The following NAALADL2 variants were observed in gnomAD, a reference collection of about 807,000 sequenced individuals.
NAALADL2 encodes the protein N-acetylated alpha-linked acidic dipeptidase like 2.
NAALADL2 carries 76 observed loss-of-function variants against 87.2 expected under a neutral mutation model. The observed-to-expected ratio is 0.87, with a 90% CI of 0.72 to 1.05. The LOEUF (loss-of-function observed/expected upper bound fraction) is 1.05, where lower values mean the gene tolerates loss of function less well. Among genes scored for constraint, NAALADL2 ranks in the 50% least tolerant of loss-of-function variants. The pLI is 0.00. For missense variants in NAALADL2, 1,089 were observed against 945.8 expected, an observed-to-expected ratio of 1.15 and a Z score of -1.99; for synonymous variants, 354 against 331.0, an observed-to-expected ratio of 1.07 and a Z score of -0.75.
At chr3:174,882,570 T>C (rs565138456) in intron 1 of NAALADL2, among the ~76,000 whole-genome samples, 78 of 150,220 alleles carry the variant, frequency 5.2e-4, no homozygotes, top group African/African-American at 1.7e-3. Flanking sequence ...TATATATACA[T>C]ATGTGCTTAT....
chr3:175,510,198 C>T (rs576186885), intron 9 of NAALADL2, among the ~76,000 whole-genome samples: 2 of 152,016 alleles, frequency 1.3e-5, no homozygotes, highest in Non-Finnish European at 2.9e-5. Flanking sequence ...CTTATAAAAC[C>T]ATCAGATCTC....
Position 175,568,483 on chromosome 3 carries a change from G to A in NAALADL2, c.1654-7558G>A, listed in dbSNP as rs185919274. On this transcript the variant is annotated intron_variant, in intron 9 of 13. Coordinates refer to ENST00000454872, the MANE Select transcript of NAALADL2 (RefSeq NM_207015.3). ...ATTTAGAAGTAGTTTATTCCCATGCGTTAATGTGGTTTGTGAGCTGGATAT... is the reference window on the plus strand; with the variant it reads ...ATTTAGAAGTAGTTTATTCCCATGCATTAATGTGGTTTGTGAGCTGGATAT... Among the ~76,000 whole-genome samples the A allele has an allele frequency of 1.3e-3, 202 of 152,272 alleles. 1 individual carries two copies. Among genetic ancestry groups the A allele is most frequent in the Non-Finnish European group, 5.0e-4 (34 of 68,020 alleles).
intron 2 of NAALADL2, among the ~76,000 whole-genome samples, chr3:174,675,694 C>G (rs1726979161): frequency 6.6e-6 from 1 of 151,982 alleles, no homozygotes; most frequent in Non-Finnish European, 1.5e-5. Flanking sequence ...AAAGTTGTTT[C>G]TTTCTTCCTG....
At chr3:175,442,943 G>A (rs1720064804) in intron 5 of NAALADL2, among the ~76,000 whole-genome samples, 1 of 152,090 alleles carries the variant, frequency 6.6e-6, no homozygotes, top group African/African-American at 2.4e-5. Context: ...ATATCTAATG[G>A]ATTCTTATAG....
intron 2 of NAALADL2, among the ~76,000 whole-genome samples, chr3:174,626,195 G>A (rs1721561030): frequency 6.6e-6 from 1 of 150,920 alleles, no homozygotes; most frequent in African/African-American, 2.4e-5. Flanking sequence ...TTAGTAATGA[G>A]ATTTCGGGTC....
chr3:175,565,046 T>A (rs1716889000), intron 9 of NAALADL2, among the ~76,000 whole-genome samples: 1 of 152,240 alleles, frequency 6.6e-6, no homozygotes, highest in Non-Finnish European at 1.5e-5. Context: ...AATTTTAGTT[T>A]GGGTGATTAA....
In NAALADL2 at chr3:175,704,268, A is replaced by G. The variant is rs1008330765; in HGVS notation, c.1897-33038A>G. Among the ~76,000 whole-genome samples the G allele has an allele frequency of 5.9e-5, 9 of 152,302 alleles. No individual in the cohort carries two copies. The South Asian group carries it at 1.9e-3, about 32-fold the overall frequency. On this transcript the variant is annotated intron_variant, in intron 11 of 13. Coordinates refer to ENST00000454872, the MANE Select transcript of NAALADL2 (RefSeq NM_207015.3). ...AAAGTGGGGCTGTTCGCTGTGGAAA[A>G]GAGGCTTCCTTTTTCCTCTGTCATT...
intron 1 of NAALADL2, among the ~76,000 whole-genome samples, chr3:175,056,294 C>T (rs1490799617): frequency 2.0e-5 from 3 of 152,172 alleles, no homozygotes; most frequent in African/African-American, 7.2e-5. Context: ...CTCCTTCCTT[C>T]TTATCATTAG....
At chr3:175,158,175 C>T (rs1580729961) in intron 2 of NAALADL2, among the ~76,000 whole-genome samples, 1 of 152,120 alleles carries the variant, frequency 6.6e-6, no homozygotes, top group East Asian at 1.9e-4. Flanking sequence ...GTGTAAGGTA[C>T]ACTCAGAGTC....
At chr3:175,292,950 T>C (rs573888691) in intron 4 of NAALADL2, among the ~76,000 whole-genome samples, 2 of 136,972 alleles carry the variant, frequency 1.5e-5, no homozygotes, top group African/African-American at 5.5e-5. Context: ...GGCAGGAGAA[T>C]GGCGTGAACC....
chr3:175,077,087 T>C (rs1716750276), intron 1 of NAALADL2, among the ~76,000 whole-genome samples: 1 of 152,124 alleles, frequency 6.6e-6, no homozygotes, highest in Non-Finnish European at 1.5e-5. Flanking sequence ...AGAAAAAAAA[T>C]GTTTTCAAAT....
At chr3:175,696,523 A>G (rs370626807) in intron 11 of NAALADL2, among the ~76,000 whole-genome samples, 58 of 152,166 alleles carry the variant, frequency 3.8e-4, no homozygotes, top group African/African-American at 1.4e-3. Context: ...CCAGAGATGC[A>G]AACACTTTTT....
At chr3:174,914,058 C>A (rs73047025) in intron 1 of NAALADL2, among the ~76,000 whole-genome samples, 1,564 of 147,396 alleles carry the variant, frequency 0.011, 28 homozygotes, top group African/African-American at 0.037. Flanking sequence ...TATTCCTTTT[C>A]TTTTCTTTTT....
chr3:174,661,327 G>A (rs1030475279), intron 2 of NAALADL2, among the ~76,000 whole-genome samples: 1 of 149,448 alleles, frequency 6.7e-6, no homozygotes, highest in African/African-American at 2.6e-5. Context: ...TTTTTATAAT[G>A]AATATTAAAG....
At chr3:175,052,234 G>A (rs375835708) in intron 1 of NAALADL2, among the ~76,000 whole-genome samples, 6 of 152,152 alleles carry the variant, frequency 3.9e-5, no homozygotes, top group South Asian at 2.1e-4. Flanking sequence ...GTGGTTTTCC[G>A]CCCTGAGTGG....
chr3:175,100,603 C>T (rs1010839362), intron 2 of NAALADL2, among the ~76,000 whole-genome samples: 14 of 152,096 alleles, frequency 9.2e-5, no homozygotes, highest in African/African-American at 2.9e-4. Context: ...TTTGGGAGGC[C>T]AAGGAGGGCG....
At chr3:175,568,680 G>A (rs1279002280) in intron 9 of NAALADL2, among the ~76,000 whole-genome samples, 3 of 152,156 alleles carry the variant, frequency 2.0e-5, no homozygotes, top group African/African-American at 7.2e-5. Context: ...GCCCTATATA[G>A]ACCCAGTCTC....
chr3:175,614,907 A>T (rs754720565), intron 10 of NAALADL2, among the ~76,000 whole-genome samples: 1 of 152,230 alleles, frequency 6.6e-6, no homozygotes, highest in Non-Finnish European at 1.5e-5. Context: ...TTTAGGACAA[A>T]TGAAATGAAT....
chr3:175,390,954 A>G (rs1462732299), intron 5 of NAALADL2, among the ~76,000 whole-genome samples: 1 of 152,154 alleles, frequency 6.6e-6, no homozygotes, highest in African/African-American at 2.4e-5. Flanking sequence ...GCAACACCAG[A>G]TAATTGTTAC....
Sources: gnomAD v4.1 joint callset for allele counts (sites outside exome capture counted in the v4.1 genomes callset) on GRCh38, gnomAD v4.1.1 for gene constraint, MANE v1.5 for transcripts, NCBI Gene and HGNC (gene_info 2026-07-23, HGNC 2026-07-21) for gene names.